GRID2: variants seen among roughly 807,000 people sequenced by gnomAD.
GRID2 encodes glutamate receptor ionotropic, delta-2.
A neutral mutation model predicts 114.8 loss-of-function variants in GRID2; 33 were observed. The ratio of observed to expected loss-of-function variants is 0.29; its 90% confidence interval spans 0.22 to 0.38. The LOEUF is 0.38. Ranked by LOEUF, GRID2 falls within the 10% of genes least tolerant of loss-of-function variation. GRID2 has a pLI of 1.00. For missense variants in GRID2, 1,184 were observed against 1,257.7 expected, an observed-to-expected ratio of 0.94 and a Z score of 0.89; for synonymous variants, 505 against 449.9, an observed-to-expected ratio of 1.12 and a Z score of -1.55.
At chr4:92,398,854 G>T (rs72661907) in intron 1 of GRID2, among the ~76,000 whole-genome samples, 150 of 152,196 alleles carry the variant, frequency 9.9e-4, no homozygotes, top group Non-Finnish European at 1.5e-3. Flanking sequence ...AATTTAATAG[G>T]CATGTTATGA....
intron 1 of GRID2, among the ~76,000 whole-genome samples, chr4:93,787,962 A>G (rs940808783): frequency 1.3e-5 from 2 of 152,162 alleles, no homozygotes; most frequent in Admixed American, 1.3e-4. Flanking sequence ...GACTTTGGAA[A>G]CATCATAATT....
chr4:93,446,255 A>G (rs971378130), intron 10 of GRID2, among the ~76,000 whole-genome samples: 1 of 151,994 alleles, frequency 6.6e-6, no homozygotes, highest in African/African-American at 2.4e-5. Context: ...ATGGCAAGCC[A>G]TTGTGCCAGC....
chr4:92,883,147 G>C (rs2149460123), intron 2 of GRID2, among the ~76,000 whole-genome samples: 1 of 152,274 alleles, frequency 6.6e-6, no homozygotes, highest in South Asian at 2.1e-4. Flanking sequence ...TGTAATATTT[G>C]AAATCCTCTA....
chr4:92,595,058 C>T (rs1437257609), intron 2 of GRID2, among the ~76,000 whole-genome samples: 1 of 151,808 alleles, frequency 6.6e-6, no homozygotes, highest in East Asian at 1.9e-4. Flanking sequence ...AAGCATCATT[C>T]TTTGATATTT....
At chr4:93,352,250 A>G (rs1760876202) in intron 8 of GRID2, among the ~76,000 whole-genome samples, 1 of 151,978 alleles carries the variant, frequency 6.6e-6, no homozygotes, top group Non-Finnish European at 1.5e-5. Flanking sequence ...AATAGTTAAT[A>G]ACTATATTCA....
At chr4:93,725,853 G>T (rs867756591) in intron 14 of GRID2, among the ~76,000 whole-genome samples, 1 of 151,934 alleles carries the variant, frequency 6.6e-6, no homozygotes, top group African/African-American at 2.4e-5. Context: ...TTGTAAATTT[G>T]TTTGAGTTCA....
intron 2 of GRID2, among the ~76,000 whole-genome samples, chr4:92,885,452 A>G (rs1269358860): frequency 1.3e-5 from 2 of 152,210 alleles, no homozygotes; most frequent in Admixed American, 6.5e-5. Context: ...ATTTGAAATT[A>G]ACTCAGCTCT....
chr4:92,904,382 T>C (rs896960455), intron 2 of GRID2, among the ~76,000 whole-genome samples: 2 of 151,208 alleles, frequency 1.3e-5, no homozygotes, highest in Non-Finnish European at 3.0e-5. Context: ...GTAAATATTA[T>C]CTTGATATTT....
At chr4:92,675,770 G>C (rs1206083143) in intron 2 of GRID2, among the ~76,000 whole-genome samples, 1 of 151,958 alleles carries the variant, frequency 6.6e-6, no homozygotes, top group African/African-American at 2.4e-5. Flanking sequence ...TAGCTAGGAT[G>C]GTTTCGATCT....
chr4:93,285,168 T>TA (rs34303397), intron 8 of GRID2, among the ~76,000 whole-genome samples: 9 of 151,712 alleles, frequency 5.9e-5, no homozygotes, highest in Non-Finnish European at 1.3e-4. Flanking sequence ...CATTTTGTAA[T>TA]AAAAAATATT....
At chr4:93,731,294 T>A (rs1470766977) in intron 14 of GRID2, among the ~76,000 whole-genome samples, 1 of 151,260 alleles carries the variant, frequency 6.6e-6, no homozygotes, top group African/African-American at 2.4e-5. Flanking sequence ...GACAACTGAG[T>A]TGTTAGTGAC....
chr4:93,692,301 TG>T (rs1726639119), intron 14 of GRID2, among the ~76,000 whole-genome samples: 1 of 152,086 alleles, frequency 6.6e-6, no homozygotes, highest in Non-Finnish European at 1.5e-5. Flanking sequence ...GCCAGCCACA[TG>T]GATATGAAGT....
In GRID2 at chr4:92,384,433, AATATATAT is replaced by A. The variant is rs372161362; in HGVS notation, c.88+79728_88+79735del. ...AGAAGTGTACCTGTGTGTGTGTAGG[AATATATAT>A]ATATATATATATATATATATATATA... On this transcript the variant is annotated intron_variant, in intron 1 of 15. Coordinates refer to ENST00000282020, the MANE Select transcript of GRID2 (RefSeq NM_001510.4). Among the ~76,000 whole-genome samples, 246 of 30,224 alleles carry A rather than the reference AATATATAT, an allele frequency of 8.1e-3. 5 individuals carry two copies. Among genetic ancestry groups the A allele is most frequent in the African/African-American group, 0.026 (157 of 6,006 alleles). The allele number at this position is 30,224 out of a possible 152,430, so 19.8% of individuals were successfully genotyped here. A position where few individuals can be genotyped will look rare whatever the true frequency, so the allele number is the denominator to read the frequency against.
chr4:93,410,460 T>C (rs560176427), intron 9 of GRID2, among the ~76,000 whole-genome samples: 1 of 152,342 alleles, frequency 6.6e-6, no homozygotes, highest in East Asian at 1.9e-4. Context: ...AAATGCATGC[T>C]TTCAGACCTT....
At chr4:92,909,538 G>A (rs1748211180) in intron 2 of GRID2, among the ~76,000 whole-genome samples, 1 of 152,062 alleles carries the variant, frequency 6.6e-6, no homozygotes, top group Non-Finnish European at 1.5e-5. Context: ...ACGCTGTCCT[G>A]ATTCCAGGAT....
intron 8 of GRID2, among the ~76,000 whole-genome samples, chr4:93,276,204 C>T (rs567270909): frequency 6.6e-6 from 1 of 152,028 alleles, no homozygotes; most frequent in African/African-American, 2.4e-5. Flanking sequence ...TTTGTTGAAA[C>T]ATCTATTCTT....
At chr4:93,544,934 G>A (rs1733063538) in intron 13 of GRID2, among the ~76,000 whole-genome samples, 1 of 152,098 alleles carries the variant, frequency 6.6e-6, no homozygotes, top group Admixed American at 6.5e-5. Context: ...AGAGGTGACT[G>A]CCTCATTCTT....
At chr4:92,675,645 G>A (rs1733312564) in intron 2 of GRID2, among the ~76,000 whole-genome samples, 1 of 151,218 alleles carries the variant, frequency 6.6e-6, no homozygotes, top group Non-Finnish European at 1.5e-5. Flanking sequence ...CCGCCTCCCA[G>A]GGTCATGCAA....
At chr4:93,122,302 C>T (rs1007001172) in intron 4 of GRID2, among the ~76,000 whole-genome samples, 4 of 151,918 alleles carry the variant, frequency 2.6e-5, no homozygotes, top group African/African-American at 9.7e-5. Context: ...TTTTATTTTC[C>T]ATATGGTGAA....
Sources: gnomAD v4.1 joint callset for allele counts (sites outside exome capture counted in the v4.1 genomes callset) on GRCh38, gnomAD v4.1.1 for gene constraint, MANE v1.5 for transcripts, NCBI Gene and HGNC (gene_info 2026-07-23, HGNC 2026-07-21) for gene names.